The following HMCN1 variants were observed in gnomAD, a reference collection of about 807,000 sequenced individuals.
HMCN1 encodes the protein hemicentin 1.
A neutral mutation model predicts 625.9 loss-of-function variants in HMCN1; 321 were observed. That is an observed-to-expected ratio of 0.51 (90% CI 0.47 to 0.56). The LOEUF (loss-of-function observed/expected upper bound fraction) is 0.56, where lower values mean the gene tolerates loss of function less well. Ranked by LOEUF, HMCN1 falls within the 20% of genes least tolerant of loss-of-function variation. The pLI is 0.00. For missense variants in HMCN1, 6,588 were observed against 6,887.3 expected, an observed-to-expected ratio of 0.96 and a Z score of 1.54; for synonymous variants, 2,425 against 2,417.6, an observed-to-expected ratio of 1.00 and a Z score of -0.09.
At chr1:185,952,500 A>G (rs1649276915) in intron 11 of HMCN1, among the ~76,000 whole-genome samples, 2 of 151,756 alleles carry the variant, frequency 1.3e-5, no homozygotes, top group South Asian at 4.2e-4. Flanking sequence ...AGAGACTAGG[A>G]AGGGACTGAT....
At chr1:185,784,224 T>C (rs1657389791) in intron 1 of HMCN1, among the ~76,000 whole-genome samples, 1 of 152,124 alleles carries the variant, frequency 6.6e-6, no homozygotes, top group African/African-American at 2.4e-5. Flanking sequence ...AGGATGGGAG[T>C]GACCCAATTT....
At chr1:185,952,955 G>A (rs1649336525) in intron 11 of HMCN1, among the ~76,000 whole-genome samples, 1 of 151,350 alleles carries the variant, frequency 6.6e-6, no homozygotes, top group Non-Finnish European at 1.5e-5. Context: ...AAGAGGTTGG[G>A]GTGCAGAAAT....
At chr1:185,812,806 C>G (rs375719636) in intron 1 of HMCN1, among the ~76,000 whole-genome samples, 19 of 151,900 alleles carry the variant, frequency 1.3e-4, no homozygotes, top group Non-Finnish European at 2.9e-5. Context: ...CAATCCCCCC[C>G]CACACACATT....
chr1:185,996,906 T>A (rs967361460), intron 24 of HMCN1, among the ~76,000 whole-genome samples: 1 of 152,104 alleles, frequency 6.6e-6, no homozygotes, highest in Non-Finnish European at 1.5e-5. Context: ...TGATTTGAAT[T>A]AGATAAGTCA....
chr1:185,744,818 A>C (rs893648660), intron 1 of HMCN1, among the ~76,000 whole-genome samples: 1 of 152,210 alleles, frequency 6.6e-6, no homozygotes, highest in East Asian at 1.9e-4. Flanking sequence ...CCTGAAAGCT[A>C]TCAGGAGCCT....
intron 48 of HMCN1, among the ~76,000 whole-genome samples, chr1:186,064,735 G>A (rs1053445159): frequency 1.6e-4 from 24 of 148,686 alleles, no homozygotes; most frequent in African/African-American, 4.2e-4. Context: ...GAGTGAACCC[G>A]GGAGGTAGAG....
intron 1 of HMCN1, among the ~76,000 whole-genome samples, chr1:185,828,081 A>G (rs1287671225): frequency 1.3e-5 from 2 of 152,230 alleles, no homozygotes; most frequent in South Asian, 2.1e-4. Context: ...GGAAATTTTT[A>G]GAAGAAAAGT....
intron 15 of HMCN1, among the ~76,000 whole-genome samples, chr1:185,976,320 GA>G (rs1651211770): frequency 6.6e-6 from 1 of 152,158 alleles, no homozygotes; most frequent in African/African-American, 2.4e-5. Context: ...TCCTTGCTTG[GA>G]GAAGAACAAG....
intron 4 of HMCN1, among the ~76,000 whole-genome samples, chr1:185,879,461 C>T (rs956622062): frequency 2.6e-5 from 4 of 152,150 alleles, no homozygotes; most frequent in African/African-American, 9.7e-5. Context: ...TGTGAATCAC[C>T]TTGCCTGACT....
At chr1:185,830,811 T>TG (rs893312427) in intron 1 of HMCN1, among the ~76,000 whole-genome samples, 13 of 151,572 alleles carry the variant, frequency 8.6e-5, no homozygotes, top group Admixed American at 4.0e-4. Context: ...TCTATTGAGC[T>TG]GGGGAGGTGG....
At chr1:185,857,987 T>C (rs187699119) in intron 2 of HMCN1, among the ~76,000 whole-genome samples, 62 of 152,286 alleles carry the variant, frequency 4.1e-4, no homozygotes, top group African/African-American at 1.5e-3. Context: ...GTCACAGAAG[T>C]TCAAGAAGAT....
At chr1:186,134,463 A>G (rs958650580) in intron 86 of HMCN1, among the ~76,000 whole-genome samples, 1 of 152,174 alleles carries the variant, frequency 6.6e-6, no homozygotes, top group Non-Finnish European at 1.5e-5. Flanking sequence ...TAGGAGAGAA[A>G]TAAAAGCACT....
At chr1:185,980,637 T>C (rs1268539776) in intron 16 of HMCN1, among the ~76,000 whole-genome samples, 1 of 152,204 alleles carries the variant, frequency 6.6e-6, no homozygotes, top group Non-Finnish European at 1.5e-5. Flanking sequence ...CTTTCCATTC[T>C]TTGTACAGGC....
intron 25 of HMCN1, among the ~76,000 whole-genome samples, chr1:185,999,541 T>C (rs1055356781): frequency 6.6e-6 from 1 of 152,122 alleles, no homozygotes; most frequent in African/African-American, 2.4e-5. Flanking sequence ...GCATGAACAG[T>C]AGAGTTTCCT....
At chr1:185,737,666 A>G (rs1016441550) in intron 1 of HMCN1, among the ~76,000 whole-genome samples, 3 of 152,210 alleles carry the variant, frequency 2.0e-5, no homozygotes, top group Non-Finnish European at 4.4e-5. Flanking sequence ...CACAACCAAC[A>G]TGGAAAGAAA....
chr1:186,180,561 C>T (rs1157885099), intron 104 of HMCN1, among the ~76,000 whole-genome samples: 1 of 152,200 alleles, frequency 6.6e-6, no homozygotes, highest in East Asian at 1.9e-4. Context: ...TCTACTTCTT[C>T]ATCACTATCT....
intron 2 of HMCN1, 66 bp downstream of exon 2, chr1:185,846,162 T>A (rs1661801120): frequency 1.1e-5 from 14 of 1,254,506 alleles, no homozygotes; most frequent in Admixed American, 6.9e-5. Context: ...CTGATTTTCT[T>A]TATTTTTTAA....
Position 185,844,114 on chromosome 1 carries a change from A to G in HMCN1, c.269-1912A>G, listed in dbSNP as rs181609443. ...GGGAACATAGAAGCTTGGCTTGACA[A>G]TGCTACTGACAATTTATATGTCAGG... On this transcript the variant is annotated intron_variant, in intron 1 of 106. Transcript: ENST00000271588. Among the ~76,000 whole-genome samples the G allele has an allele frequency of 1.2e-3, 186 of 152,290 alleles. 1 individual carries two copies. The highest frequency in any genetic ancestry group is 1.6e-3 in the African/African-American group (66 of 41,564).
At chr1:186,161,472 G>C (rs1191814433) in intron 97 of HMCN1, among the ~76,000 whole-genome samples, 1 of 151,838 alleles carries the variant, frequency 6.6e-6, no homozygotes, top group African/African-American at 2.4e-5. Context: ...TATGATGTTA[G>C]CTGGTTATTT....
Sources: allele counts gnomAD v4.1 joint callset (sites outside exome capture counted in the v4.1 genomes callset), GRCh38; gene constraint gnomAD v4.1.1; transcripts MANE v1.5; gene names NCBI Gene and HGNC (gene_info 2026-07-23, HGNC 2026-07-21).